FOXJ3: variants seen among roughly 807,000 people sequenced by gnomAD.
The protein encoded by FOXJ3 is forkhead box J3.
In FOXJ3, 22 loss-of-function variants were observed where a neutral mutation model predicts 76.1. That is an observed-to-expected ratio of 0.29 (90% CI 0.21 to 0.41). FOXJ3 has a LOEUF of 0.41. FOXJ3 is among the 10% of genes least tolerant of loss of function. The probability of loss-of-function intolerance (pLI) is 1.00; values close to 1 mark genes in which losing one functional copy is unlikely to be tolerated. For missense variants in FOXJ3, 613 were observed against 762.1 expected, an observed-to-expected ratio of 0.80 and a Z score of 2.30; for synonymous variants, 269 against 261.2, an observed-to-expected ratio of 1.03 and a Z score of -0.29.
At chr1:42,234,756 G>A (rs186890405) in intron 4 of FOXJ3, among the ~76,000 whole-genome samples, 1 of 152,142 alleles carries the variant, frequency 6.6e-6, no homozygotes, top group East Asian at 1.9e-4. Flanking sequence ...CGTTCCTCTG[G>A]AAGTTTTGTC....
chr1:42,275,097 A>G (rs1652162057), intron 3 of FOXJ3, among the ~76,000 whole-genome samples: 1 of 152,198 alleles, frequency 6.6e-6, no homozygotes, highest in African/African-American at 2.4e-5. Flanking sequence ...ACTAAATGGA[A>G]GCACTCTGTG....
intron 1 of FOXJ3, among the ~76,000 whole-genome samples, chr1:42,322,006 T>C (rs548769991): frequency 7.9e-5 from 12 of 152,162 alleles, no homozygotes; most frequent in African/African-American, 2.9e-4. Context: ...TCTCCCATAA[T>C]GCCTAGCACA....
At chr1:42,228,430 C>T (rs1647763550) in intron 4 of FOXJ3, among the ~76,000 whole-genome samples, 1 of 152,098 alleles carries the variant, frequency 6.6e-6, no homozygotes, top group Non-Finnish European at 1.5e-5. Flanking sequence ...ATGATACGTA[C>T]ATAAACTTTT....
chr1:42,320,152 CG>C (rs1369896596), intron 1 of FOXJ3, among the ~76,000 whole-genome samples: 4 of 152,116 alleles, frequency 2.6e-5, no homozygotes, highest in Non-Finnish European at 5.9e-5. Context: ...AGGAAATATA[CG>C]TAACTGCCTC....
intron 5 of FOXJ3, among the ~76,000 whole-genome samples, chr1:42,216,531 AGAC>A (rs1647072409): frequency 6.6e-6 from 1 of 152,046 alleles, no homozygotes; most frequent in Non-Finnish European, 1.5e-5. Context: ...AAAAAAAAAA[AGAC>A]TACTGTTTTC....
intron 4 of FOXJ3, among the ~76,000 whole-genome samples, chr1:42,246,053 A>G (rs1280791552): frequency 6.6e-6 from 1 of 152,194 alleles, no homozygotes; most frequent in Non-Finnish European, 1.5e-5. Flanking sequence ...AAAACTAAAA[A>G]AACTACTAGA....
At chr1:42,304,793 A>T (rs1192102824) in intron 2 of FOXJ3, among the ~76,000 whole-genome samples, 2 of 152,170 alleles carry the variant, frequency 1.3e-5, no homozygotes, top group Non-Finnish European at 2.9e-5. Context: ...AAACTACTAA[A>T]AGAAAACATT....
chr1:42,214,547 CT>C, intron 5 of FOXJ3, among the ~76,000 whole-genome samples: 1 of 152,270 alleles, frequency 6.6e-6, no homozygotes. Context: ...ATAGACCAAC[CT>C]TCTGCTGATA....
chr1:42,332,842 T>C (rs1006904494), intron 1 of FOXJ3, among the ~76,000 whole-genome samples: 1 of 152,208 alleles, frequency 6.6e-6, no homozygotes, highest in Non-Finnish European at 1.5e-5. Context: ...CCTTTGGAAA[T>C]TTGTATCTTT....
At chr1:42,295,148 G>A (rs1653700257) in intron 2 of FOXJ3, among the ~76,000 whole-genome samples, 1 of 152,096 alleles carries the variant, frequency 6.6e-6, no homozygotes, top group Non-Finnish European at 1.5e-5. Flanking sequence ...GGCTTCTAGT[G>A]TACCCACAAT....
chr1:42,314,796 C>A (rs1655013452), intron 1 of FOXJ3, among the ~76,000 whole-genome samples: 1 of 152,198 alleles, frequency 6.6e-6, no homozygotes. Context: ...TAAAACCCAG[C>A]AATTATAAGC....
rs1308407206 is a variant in FOXJ3 at position 42,177,221 on chromosome 1, T to C, written c.*2489A>G. The C allele has an allele frequency of 2.0e-5, 3 of 152,686 alleles. No individual in the cohort carries two copies. The highest frequency in any genetic ancestry group is 2.9e-5 in the Non-Finnish European group (2 of 68,054). The allele number at this position is 152,686 out of a possible 1,614,324, so 9.5% of individuals were successfully genotyped here. ...GGATCACAGGAGAGTGGGATGGGTCTGGGTGAAGGCTTTGCCTCCATGGCC... is the reference window on the plus strand; with the variant it reads ...GGATCACAGGAGAGTGGGATGGGTCCGGGTGAAGGCTTTGCCTCCATGGCC... On this transcript the variant is annotated 3_prime_UTR_variant, in exon 13 of 13. Transcript: ENST00000361346.
At chr1:42,308,769 C>T (rs1240639724) in intron 2 of FOXJ3, among the ~76,000 whole-genome samples, 2 of 152,054 alleles carry the variant, frequency 1.3e-5, no homozygotes, top group Non-Finnish European at 2.9e-5. Context: ...TATAACATAA[C>T]TTACGTTACC....
Position 42,335,198 on chromosome 1 carries a change from G to A in FOXJ3, c.-157C>T, listed in dbSNP as rs968882278. On this transcript the variant is annotated 5_prime_UTR_variant, in exon 1 of 13. Coordinates refer to ENST00000361346, the MANE Select transcript of FOXJ3 (RefSeq NM_014947.5). Reference sequence around the variant, plus strand: ...GCCCCGAGAGCGGCGGCGGCAGCAAGAGCAGCCAACATCCGGGGCCGCGCA... The same window carrying A: ...GCCCCGAGAGCGGCGGCGGCAGCAAAAGCAGCCAACATCCGGGGCCGCGCA... The A allele has an allele frequency of 2.0e-5, 3 of 152,188 alleles. No individual in the cohort carries two copies. The highest frequency in any genetic ancestry group is 7.2e-5 in the African/African-American group (3 of 41,444). 9.4% of individuals were successfully genotyped at this position (152,188 alleles called of 1,614,324 possible). A position where few individuals can be genotyped will look rare whatever the true frequency, so the allele number is the denominator to read the frequency against.
rs184204997 is a variant in FOXJ3, at chr1:42,215,754, G to A, written c.529-9891C>T. On this transcript the variant is annotated intron_variant, in intron 5 of 12. Coordinates refer to ENST00000361346, the MANE Select transcript of FOXJ3 (RefSeq NM_014947.5). ...AAACATCGACTAGGAAATGACTGTG[G>A]ATTTCTCATCAGAAATGATGGAGGT... Among the ~76,000 whole-genome samples the A allele has an allele frequency of 9.8e-3, 1,496 of 152,250 alleles. 16 individuals carry two copies. Among genetic ancestry groups the A allele is most frequent in the Non-Finnish European group, 0.014 (925 of 68,014 alleles).
intron 1 of FOXJ3, among the ~76,000 whole-genome samples, chr1:42,318,755 T>A (rs192030313): frequency 5.3e-4 from 81 of 152,312 alleles, no homozygotes; most frequent in African/African-American, 1.9e-3. Context: ...CAAACTTTCA[T>A]GCATTGCTAG....
At chr1:42,260,402 G>GA (rs1396639875) in intron 4 of FOXJ3, among the ~76,000 whole-genome samples, 1 of 152,028 alleles carries the variant, frequency 6.6e-6, no homozygotes, top group Non-Finnish European at 1.5e-5. Context: ...AATAGGAATA[G>GA]AAAAAAATTC....
At chr1:42,211,137 G>A (rs980095602) in intron 5 of FOXJ3, among the ~76,000 whole-genome samples, 1 of 152,182 alleles carries the variant, frequency 6.6e-6, no homozygotes, top group Non-Finnish European at 1.5e-5. Flanking sequence ...GGGTCTTGAA[G>A]AAGATTGGGA....
At chr1:42,205,718 A>G (rs1210571367) in intron 6 of FOXJ3, 44 bp downstream of exon 6, 1 of 1,038,612 alleles carries the variant, frequency 9.6e-7, no homozygotes, top group Non-Finnish European at 1.5e-6. Flanking sequence ...AATTAAATGT[A>G]CTACTCAATG....
Sources: gnomAD v4.1 joint callset for allele counts (sites outside exome capture counted in the v4.1 genomes callset) on GRCh38, gnomAD v4.1.1 for gene constraint, MANE v1.5 for transcripts, NCBI Gene and HGNC (gene_info 2026-07-23, HGNC 2026-07-21) for gene names.